Variants in LRRC4C observed in about 807,000 individuals in gnomAD.
LRRC4C encodes leucine rich repeat containing 4C, also known as leucine-rich repeat-containing protein 4C.
LRRC4C carries 5 observed loss-of-function variants against 33.6 expected under a neutral mutation model. The ratio of observed to expected loss-of-function variants is 0.15; its 90% CI spans 0.08 to 0.31. LRRC4C has a LOEUF of 0.31. Ranked by LOEUF, LRRC4C falls within the 10% of genes least tolerant of loss-of-function variation. The pLI, the probability that LRRC4C is intolerant of heterozygous loss-of-function variation, is 1.00. For missense variants in LRRC4C, 560 were observed against 796.7 expected, an observed-to-expected ratio of 0.70 and a Z score of 3.58; for synonymous variants, 329 against 302.0, an observed-to-expected ratio of 1.09 and a Z score of -0.93.
chr11:40,313,599 CTTTTTTTTTTTTTTT>C (rs60735627), intron 4 of LRRC4C, among the ~76,000 whole-genome samples: 1 of 72,532 alleles, frequency 1.4e-5, no homozygotes, highest in Admixed American at 1.5e-4. Flanking sequence ...AGGGGAAATT[CTTTTTTTTTTTTTTT>C]TTTTTTTTTT....
At chr11:40,279,849 T>C (rs1354161385) in intron 4 of LRRC4C, among the ~76,000 whole-genome samples, 1 of 152,184 alleles carries the variant, frequency 6.6e-6, no homozygotes, top group Non-Finnish European at 1.5e-5. Flanking sequence ...GTATATGGCA[T>C]TTATTAGTAT....
At position 40,298,000 on chromosome 11, in the gene LRRC4C, A is replaced by G. The variant is rs112119328; in HGVS notation, c.-176+21628T>C. ...CCTCCAAACCATAATTGATTTCACA[A>G]GAGCATTGTCTGTATTTCTAATGCT... On this transcript the variant is annotated intron_variant, in intron 4 of 6. Transcript: ENST00000528697. Among the ~76,000 whole-genome samples the G allele has an allele frequency of 5.9e-5, 9 of 152,324 alleles. 3 individuals carry two copies. The highest frequency in any genetic ancestry group is 2.2e-4 in the African/African-American group (9 of 41,570).
chr11:40,497,023 G>C (rs951903543), intron 3 of LRRC4C, among the ~76,000 whole-genome samples: 22 of 152,148 alleles, frequency 1.4e-4, no homozygotes, highest in Admixed American at 1.3e-3. Flanking sequence ...TGCTGTTCAA[G>C]TCTTGTTCTT....
intron 4 of LRRC4C, among the ~76,000 whole-genome samples, chr11:40,242,773 A>G (rs1866018816): frequency 9.6e-6 from 1 of 104,032 alleles, no homozygotes; most frequent in South Asian, 4.5e-4. Flanking sequence ...TCTAGAAAAA[A>G]GTGTATCATC....
At chr11:40,221,720 A>C (rs1406914704) in intron 5 of LRRC4C, among the ~76,000 whole-genome samples, 2 of 152,148 alleles carry the variant, frequency 1.3e-5, no homozygotes, top group Non-Finnish European at 2.9e-5. Flanking sequence ...TATGCTATCT[A>C]TAGATTAAAG....
intron 1 of LRRC4C, among the ~76,000 whole-genome samples, chr11:41,323,980 A>G (rs1051648516): frequency 6.6e-6 from 1 of 152,190 alleles, no homozygotes; most frequent in Non-Finnish European, 1.5e-5. Context: ...GTACTTAGAT[A>G]TTTTTGAATA....
At chr11:40,693,928 A>G (rs1945354646) in intron 2 of LRRC4C, among the ~76,000 whole-genome samples, 1 of 152,152 alleles carries the variant, frequency 6.6e-6, no homozygotes, top group Non-Finnish European at 1.5e-5. Flanking sequence ...TATCAATGCC[A>G]ACATTGCAAT....
intron 3 of LRRC4C, among the ~76,000 whole-genome samples, chr11:40,369,913 A>G (rs1019151085): frequency 1.3e-5 from 2 of 152,224 alleles, no homozygotes; most frequent in African/African-American, 4.8e-5. Flanking sequence ...AGATATAGAT[A>G]GCAAATAGAG....
At chr11:40,170,367 G>A (rs140695797) in intron 5 of LRRC4C, among the ~76,000 whole-genome samples, 1,760 of 152,246 alleles carry the variant, frequency 0.012, 43 homozygotes, top group African/African-American at 0.04. Context: ...CCTGTAAAGG[G>A]CTCACTCGGT....
chr11:40,937,592 A>AGTGTGTGT (rs1957958666), intron 1 of LRRC4C, among the ~76,000 whole-genome samples: 3 of 120,204 alleles, frequency 2.5e-5, no homozygotes, highest in African/African-American at 1.1e-4. Context: ...ACTCTTCTTG[A>AGTGTGTGT]GTGTGTGTAT....
At chr11:41,132,946 C>G (rs1943083473) in intron 1 of LRRC4C, among the ~76,000 whole-genome samples, 1 of 152,044 alleles carries the variant, frequency 6.6e-6, no homozygotes, top group Admixed American at 6.6e-5. Context: ...AACTTCTAAT[C>G]CAAAGATAAT....
chr11:41,276,151 A>T (rs1949476322), intron 1 of LRRC4C, among the ~76,000 whole-genome samples: 1 of 152,212 alleles, frequency 6.6e-6, no homozygotes, highest in African/African-American at 2.4e-5. Flanking sequence ...TCTAACAAAG[A>T]TAGCAGCTAA....
chr11:41,291,349 A>G (rs1949987698), intron 1 of LRRC4C, among the ~76,000 whole-genome samples: 1 of 152,150 alleles, frequency 6.6e-6, no homozygotes, highest in Admixed American at 6.5e-5. Flanking sequence ...CTACAAATAC[A>G]TATGCCCTTA....
chr11:40,426,377 C>CTT (rs71461168), intron 3 of LRRC4C, among the ~76,000 whole-genome samples: 31 of 149,198 alleles, frequency 2.1e-4, no homozygotes, highest in South Asian at 1.9e-3. Flanking sequence ...GATCCAGCCA[C>CTT]TTTTTTTTTT....
chr11:40,680,039 A>T (rs1054441945), intron 2 of LRRC4C, among the ~76,000 whole-genome samples: 1 of 152,148 alleles, frequency 6.6e-6, no homozygotes, highest in Non-Finnish European at 1.5e-5. Context: ...ACCCAAGATT[A>T]TGGGAACCCA....
At chr11:41,359,216 CAGAG>C (rs1230966864) in intron 1 of LRRC4C, among the ~76,000 whole-genome samples, 2 of 151,864 alleles carry the variant, frequency 1.3e-5, no homozygotes, top group Non-Finnish European at 2.9e-5. Context: ...TGGCAGAGCA[CAGAG>C]AGTCTTCAGA....
At chr11:41,309,522 A>C (rs1013483589) in intron 1 of LRRC4C, among the ~76,000 whole-genome samples, 1 of 152,226 alleles carries the variant, frequency 6.6e-6, no homozygotes, top group Non-Finnish European at 1.5e-5. Context: ...TCTATCAGCC[A>C]TGAGATTAAT....
intron 2 of LRRC4C, among the ~76,000 whole-genome samples, chr11:40,785,304 T>C (rs1284798590): frequency 6.6e-6 from 1 of 152,188 alleles, no homozygotes; most frequent in African/African-American, 2.4e-5. Context: ...TTACAGCATG[T>C]CCTTCAACTT....
At chr11:41,219,317 TG>T (rs1455319750) in intron 1 of LRRC4C, among the ~76,000 whole-genome samples, 1 of 152,160 alleles carries the variant, frequency 6.6e-6, no homozygotes, top group Non-Finnish European at 1.5e-5. Context: ...TTTTCACCCT[TG>T]GCATCTGCAC....
Sources: gnomAD v4.1 joint callset for allele counts (sites outside exome capture counted in the v4.1 genomes callset) on GRCh38, gnomAD v4.1.1 for gene constraint, MANE v1.5 for transcripts, NCBI Gene and HGNC (gene_info 2026-07-23, HGNC 2026-07-21) for gene names.